The following CDH5 variants were observed in gnomAD, a reference collection of about 807,000 sequenced individuals.
CDH5 encodes cadherin-5.
Under a neutral mutation model 62.0 loss-of-function variants are expected in CDH5, and 28 were observed. The observed-to-expected ratio is 0.45, with a 90% CI of 0.33 to 0.62. The LOEUF (loss-of-function observed/expected upper bound fraction) is 0.62. Among genes scored for constraint, CDH5 ranks in the 20% least tolerant of loss-of-function variants. The probability of loss-of-function intolerance (pLI) is 0.02; values close to 1 mark genes in which losing one functional copy is unlikely to be tolerated. For missense variants in CDH5, 940 were observed against 1,065.1 expected, an observed-to-expected ratio of 0.88 and a Z score of 1.63; for synonymous variants, 464 against 445.8, an observed-to-expected ratio of 1.04 and a Z score of -0.52.
intron 2 of CDH5, among the ~76,000 whole-genome samples, chr16:66,381,585 C>CA (rs925893318): frequency 6.6e-6 from 1 of 152,016 alleles, no homozygotes; most frequent in African/African-American, 2.4e-5. Context: ...ATGACAGGTG[C>CA]AAAAAAGAAC....
chr16:66,399,034 C>T lies in CDH5; in HGVS notation c.1591+473C>T, dbSNP rs60745479. Among the ~76,000 whole-genome samples, 463 of 152,296 alleles carry T rather than the reference C, an allele frequency of 3.0e-3. 3 individuals carry two copies. The highest frequency in any genetic ancestry group is 0.011 in the African/African-American group (450 of 41,560). On this transcript the variant is annotated intron_variant, in intron 10 of 11. Coordinates refer to ENST00000341529, the MANE Select transcript of CDH5 (RefSeq NM_001795.5). Reference sequence around the variant, plus strand: ...TCAGTTCAAGAACTAGCCAAGGAGTCCCCTCCCATACTGGAGGCTCTATGG... The same window carrying T: ...TCAGTTCAAGAACTAGCCAAGGAGTTCCCTCCCATACTGGAGGCTCTATGG...
intron 6 of CDH5, among the ~76,000 whole-genome samples, chr16:66,391,178 C>T (rs1347754304): frequency 6.6e-6 from 1 of 152,158 alleles, no homozygotes; most frequent in Non-Finnish European, 1.5e-5. Context: ...ATTGCAAGTC[C>T]TGGGCCTGAG....
Position 66,396,791 on chromosome 16 carries a change from C to A in CDH5, c.1360+590C>A, listed in dbSNP as rs918074659. The stretch of plus-strand genomic sequence containing the variant: ...ATCCTCTATCTATATTAGAAAATCA[C>A]AATCACCCTCCAGGAGAACTATTAA... On this transcript the variant is annotated intron_variant, in intron 8 of 11. Transcript: ENST00000341529. 2.6e-5 allele frequency among the ~76,000 whole-genome samples: 4 copies of A among 152,188 alleles called. No individual in the cohort carries two copies. In the East Asian group the frequency reaches 7.7e-4, roughly 29 times the overall value.
Position 66,398,107 on chromosome 16 carries a change from G to A in CDH5, c.1485+1G>A. On this transcript the variant is annotated splice_donor_variant, in intron 9 of 11. Transcript: ENST00000341529. LOFTEE classifies it high-confidence loss of function. ...GTGTGAGAACGCTGTCCATGGCCAG[G>A]TGAGTCTGGTTCAGGTGGGAGGGGA... 6.2e-7 allele frequency: 1 copy of A among 1,614,236 alleles called. No individual in the cohort carries two copies. The highest frequency in any genetic ancestry group is 1.1e-5 in the South Asian group (1 of 91,086).
At chr16:66,391,975 T>TGAG in intron 6 of CDH5, among the ~76,000 whole-genome samples, 161 bp from the exon 7 acceptor site, 2 of 152,330 alleles carry the variant, frequency 1.3e-5, no homozygotes, top group Admixed American at 1.3e-4. Flanking sequence ...GCCCAGCCGC[T>TGAG]GTCTTGATGA....
chr16:66,388,998 T>C (rs1246340688), intron 4 of CDH5, among the ~76,000 whole-genome samples: 1 of 152,234 alleles, frequency 6.6e-6, no homozygotes, highest in Non-Finnish European at 1.5e-5. Flanking sequence ...AGTGGAACTG[T>C]CTTTCAGAGA....
chr16:66,375,462 T>G (rs1413187487), intron 1 of CDH5, among the ~76,000 whole-genome samples: 2 of 151,856 alleles, frequency 1.3e-5, no homozygotes, highest in African/African-American at 4.8e-5. Context: ...CCCAGGAGTT[T>G]GAGGCTGCAG....
chr16:66,376,349 G>T (rs1960786766), intron 1 of CDH5: 1 of 152,126 alleles, frequency 6.6e-6, no homozygotes, highest in South Asian at 2.1e-4. Flanking sequence ...TCATTTTGCA[G>T]CACATGACTC....
Position 66,386,927 on chromosome 16 carries a change from G to A in CDH5, c.329G>A (p.Arg110Gln), listed in dbSNP as rs781334287. The A allele has an allele frequency of 7.4e-6, 12 of 1,614,088 alleles. No homozygotes were observed. In the Admixed American group the frequency reaches 8.3e-5, roughly 11 times the overall value. The change falls in exon 3 of 12, where the codon CGG (arginine) becomes CAG (glutamine). Residue 110 changes from arginine to glutamine, a missense_variant. Physicochemically the swap from Arg to Gln is conservative, Grantham distance 43. Transcript: ENST00000341529. ...GTGTTCGCCATTGAGAGGCTGGACC[G>A]GGAGAATATCTCAGAGTACCACCTC... ...GDVFAIERLD[R>Q]ENISEYHLTA...
chr16:66,398,891 C>T (rs946081766), intron 10 of CDH5, among the ~76,000 whole-genome samples: 5 of 152,214 alleles, frequency 3.3e-5, no homozygotes, highest in Admixed American at 6.5e-5. Context: ...CTGCCACATA[C>T]ATTGTACAAT....
At chr16:66,389,688 A>T (rs1337973939) in intron 5 of CDH5, among the ~76,000 whole-genome samples, 166 bp downstream of exon 5, 1 of 152,038 alleles carries the variant, frequency 6.6e-6, no homozygotes, top group Non-Finnish European at 1.5e-5. Flanking sequence ...CCCTGCTTCC[A>T]TCCCAATACC....
At chr16:66,383,955 C>T (rs2142321933) in intron 2 of CDH5, among the ~76,000 whole-genome samples, 1 of 152,240 alleles carries the variant, frequency 6.6e-6, no homozygotes, top group African/African-American at 2.4e-5. Context: ...GCTCCAATGA[C>T]TGCACTGCTG....
chr16:66,375,969 G>T (rs1464758088), intron 1 of CDH5, among the ~76,000 whole-genome samples: 1 of 151,972 alleles, frequency 6.6e-6, no homozygotes, highest in Non-Finnish European at 1.5e-5. Context: ...AAATTGGCCG[G>T]GCGTGGTGTC....
intron 1 of CDH5, among the ~76,000 whole-genome samples, chr16:66,378,908 A>T (rs1001662096): frequency 2.6e-5 from 4 of 152,204 alleles, no homozygotes; most frequent in Non-Finnish European, 5.9e-5. Context: ...AGCTGCTCAC[A>T]CCCTTAGGCA....
chr16:66,379,533 C>T lies in CDH5; in HGVS notation c.196C>T (p.His66Tyr), dbSNP rs1196264295. ...IDEEKNTSLP[H>Y]HVGKIKSSVS... The stretch of plus-strand genomic sequence containing the variant: ...TGAAGAGAAAAACACCTCACTTCCC[C>T]ATCATGTAGGCAAGGTAAGGCTCAA... Residue 66 changes from histidine to tyrosine, a missense_variant, in exon 2 of 12, where the codon CAT (histidine) becomes TAT (tyrosine). Coordinates refer to ENST00000341529, the MANE Select transcript of CDH5 (RefSeq NM_001795.5). The T allele has an allele frequency of 6.2e-7, 1 of 1,614,020 alleles. No individual in the cohort carries two copies. The highest frequency in any genetic ancestry group is 1.3e-5 in the African/African-American group (1 of 74,920).
intron 3 of CDH5, among the ~76,000 whole-genome samples, chr16:66,387,469 C>T (rs1961006521): frequency 6.6e-6 from 1 of 152,178 alleles, no homozygotes; most frequent in Non-Finnish European, 1.5e-5. Context: ...AGCCCTGACC[C>T]TAGTCATAAA....
intron 6 of CDH5, 66 bp from the exon 7 acceptor site, chr16:66,392,070 G>T: frequency 6.3e-7 from 1 of 1,598,414 alleles, no homozygotes. Context: ...TAGTTGCTGT[G>T]CAGATCATGT....
intron 2 of CDH5, among the ~76,000 whole-genome samples, chr16:66,382,110 T>C (rs966322972): frequency 3.3e-5 from 5 of 152,232 alleles, no homozygotes; most frequent in Admixed American, 6.5e-5. Context: ...GGCCATCCCA[T>C]GCTCAGACTG....
At position 66,390,585 on chromosome 16, in the gene CDH5, A is replaced by G. The variant is rs764643031; in HGVS notation, c.964A>G (p.Met322Val). ...CCACAACGAGGGCATCATCAAGCCC[A>G]TGAAGGTTTGTAGGCCAATGGCAAC... is the stretch of plus-strand genomic sequence containing the variant. ...PAHNEGIIKP[M>V]KPLDYEYIQQ... The change falls in exon 6 of 12, where the codon ATG (methionine) becomes GTG (valine). Residue 322 changes from methionine (M) to valine (V), a missense_variant. Met to Val is a conservative substitution (Grantham distance 21). Transcript: ENST00000341529. 1.9e-6 allele frequency: 3 copies of G among 1,614,044 alleles called. No individual in the cohort carries two copies. Among genetic ancestry groups the G allele is most frequent in the Non-Finnish European group, 2.5e-6 (3 of 1,179,950 alleles).
Sources: gnomAD v4.1 joint callset for allele counts (sites outside exome capture counted in the v4.1 genomes callset) on GRCh38, gnomAD v4.1.1 for gene constraint, MANE v1.5 for transcripts, NCBI Gene and HGNC (gene_info 2026-07-23, HGNC 2026-07-21) for gene names.